The following CEACAM1 variants were observed in gnomAD, a reference collection of about 807,000 sequenced individuals.
CEACAM1 encodes cell adhesion molecule CEACAM1.
In CEACAM1, 31 loss-of-function variants were observed where a neutral mutation model predicts 49.1. The ratio of observed to expected loss-of-function variants is 0.63; its 90% CI spans 0.47 to 0.85. The LOEUF is 0.85. Ranked by LOEUF, CEACAM1 falls within the 40% of genes least tolerant of loss-of-function variation. CEACAM1 has a pLI of 0.00. For synonymous variants in CEACAM1, 244 were observed against 247.8 expected, an observed-to-expected ratio of 0.98 and a Z score of 0.14; for missense variants, 570 against 645.3, an observed-to-expected ratio of 0.88 and a Z score of 1.26.
intron 1 of CEACAM1, 104 bp from the exon 2 acceptor site, chr19:42,527,504 AGTGTGTGT>A (rs3038002): frequency 0.014 from 10,164 of 711,930 alleles, 6 homozygotes; most frequent in South Asian, 0.036. Context: ...TCCACCTTGG[AGTGTGTGT>A]GTGTGTGTGT....
chr19:42,528,446 G>A lies in CEACAM1; in HGVS notation c.-72C>T. 6.9e-7 allele frequency: 1 copy of A among 1,453,660 alleles called. No homozygotes were observed. 90.0% of individuals were successfully genotyped at this position (1,453,660 alleles called of 1,614,324 possible). A position where few individuals can be genotyped will look rare whatever the true frequency, so the allele number is the denominator to read the frequency against. ...CTCCAGGAACGCTTCGAGCACGGCTGCTCTGTCACCTCTGCTGTTTTCCAC... is the reference window on the plus strand; with the variant it reads ...CTCCAGGAACGCTTCGAGCACGGCTACTCTGTCACCTCTGCTGTTTTCCAC... On this transcript the variant is annotated 5_prime_UTR_variant, in exon 1 of 9. Transcript: ENST00000161559.
At chr19:42,524,250 A>G (rs1311505133) in intron 2 of CEACAM1, among the ~76,000 whole-genome samples, 4 of 152,180 alleles carry the variant, frequency 2.6e-5, no homozygotes, top group African/African-American at 9.7e-5. Flanking sequence ...GTGTAGGTGG[A>G]ATGGGCAGCA....
At position 42,512,408 on chromosome 19, in the gene CEACAM1, G is replaced by A. The variant is rs1394827724; in HGVS notation, c.1318C>T (p.Leu440=). ...IAGIVIGVVA[L]VALIAVALAC... ...AGGGCTACTGCTATCAGAGCAACCA[G>A]GGCCACTACTCCAATCACAATGCCA... The change falls in exon 6 of 9, where the codon CTG becomes TTG. Residue 440 remains leucine (L), a synonymous_variant. Coordinates refer to ENST00000161559, the MANE Select transcript of CEACAM1 (RefSeq NM_001712.5). 5 of 1,614,054 alleles carry A rather than the reference G, an allele frequency of 3.1e-6. No individual in the cohort carries two copies. The African/African-American group carries it at 5.3e-5, about 17-fold the overall frequency.
rs763363275 is a variant in CEACAM1, at chr19:42,522,030, G to A, written c.597C>T (p.Thr199=). ...TCCTTGTGACACTGAGTAGAGTGAG[G>A]GTCCTGTTGCCATTGGACAGCTGCA... ...PRLQLSNGNR[T]LTLLSVTRND... The change falls in exon 3 of 9, where the codon ACC becomes ACT. Residue 199 remains threonine (T), a synonymous_variant. Transcript: ENST00000161559. 6.6e-5 allele frequency: 107 copies of A among 1,614,180 alleles called. No individual in the cohort carries two copies. The highest frequency in any genetic ancestry group is 5.3e-4 in the South Asian group (48 of 91,084).
rs1243331603 is a variant in CEACAM1, at chr19:42,508,585, T to C, written c.*524A>G. ...TGGACAAAGGTGTGGCATTTCACTATTGGTTATATATTTGATTTTCTTGTG... is the reference window on the plus strand; with the variant it reads ...TGGACAAAGGTGTGGCATTTCACTACTGGTTATATATTTGATTTTCTTGTG... On this transcript the variant is annotated 3_prime_UTR_variant, in exon 9 of 9. Coordinates refer to ENST00000161559, the MANE Select transcript of CEACAM1 (RefSeq NM_001712.5). 3 of 155,314 alleles carry C rather than the reference T, an allele frequency of 1.9e-5. No homozygotes were observed. The highest frequency in any genetic ancestry group is 6.2e-5 in the Admixed American group (1 of 16,142). The allele number at this position is 155,314 out of a possible 1,614,324, so 9.6% of individuals were successfully genotyped here.
chr19:42,512,459 T>C lies in CEACAM1; in HGVS notation c.1267A>G (p.Asn423Asp). Residue 423 changes from asparagine (N) to aspartate (D), a missense_variant, in exon 6 of 9, where the codon AAT (asparagine) becomes GAT (aspartate). Coordinates refer to ENST00000161559, the MANE Select transcript of CEACAM1 (RefSeq NM_001712.5). ...GCAATGGCCCCAGGTGAGAGGCCATTTTCTTGTGGTAGAGCATTATCTGTC... is the reference window on the plus strand; with the variant it reads ...GCAATGGCCCCAGGTGAGAGGCCATCTTCTTGTGGTAGAGCATTATCTGTC... Reference protein sequence around the residue: ...NVNYNALPQENGLSPGAIAGI... With the variant: ...NVNYNALPQEDGLSPGAIAGI... 6.2e-7 allele frequency: 1 copy of C among 1,614,098 alleles called. No homozygotes were observed. Among genetic ancestry groups the C allele is most frequent in the Non-Finnish European group, 8.5e-7 (1 of 1,179,958 alleles).
chr19:42,518,053 A>T (rs2041641743), intron 5 of CEACAM1, among the ~76,000 whole-genome samples: 1 of 152,246 alleles, frequency 6.6e-6, no homozygotes, highest in African/African-American at 2.4e-5. Flanking sequence ...GAGCTTGAAG[A>T]CATTGTGCTA....
At chr19:42,512,193 A>G (rs981043618) in intron 6 of CEACAM1, among the ~76,000 whole-genome samples, 157 bp downstream of exon 6, 1 of 152,216 alleles carries the variant, frequency 6.6e-6, no homozygotes, top group Non-Finnish European at 1.5e-5. Context: ...CACGAAGACC[A>G]GGGAAGAGGA....
At position 42,522,206 on chromosome 19, in the gene CEACAM1, T is replaced by G; in HGVS notation, c.425-4A>C. 6.2e-7 allele frequency: 1 copy of G among 1,614,262 alleles called. No individual in the cohort carries two copies. The highest frequency in any genetic ancestry group is 8.5e-7 in the Non-Finnish European group (1 of 1,180,034). On this transcript the variant is annotated splice_region_variant and splice_polypyrimidine_tract_variant and intron_variant, in intron 2 of 8. Transcript: ENST00000161559. ...ATGGAGGGCTTGGGCAGCTCCGCTA[T>G]GCAGAAAACAGAGAGAAGATTGCCC...
intron 1 of CEACAM1, among the ~76,000 whole-genome samples, chr19:42,527,973 G>A (rs982250320): frequency 3.9e-5 from 6 of 152,218 alleles, no homozygotes; most frequent in Non-Finnish European, 7.3e-5. Flanking sequence ...GCCAATATCT[G>A]AGGTTGGTGG....
intron 2 of CEACAM1, among the ~76,000 whole-genome samples, chr19:42,523,742 T>G (rs1162777857): frequency 1.3e-5 from 2 of 152,216 alleles, no homozygotes; most frequent in East Asian, 3.9e-4. Flanking sequence ...TTATTAATAC[T>G]CTGGATCTAA....
chr19:42,517,159 C>A, intron 5 of CEACAM1, among the ~76,000 whole-genome samples: 1 of 152,104 alleles, frequency 6.6e-6, no homozygotes, highest in African/African-American at 2.4e-5. Context: ...CTTTATGTAA[C>A]ACCATATATA....
At chr19:42,516,908 A>G (rs1381823463) in intron 5 of CEACAM1, 4 of 419,400 alleles carry the variant, frequency 9.5e-6, no homozygotes, top group Non-Finnish European at 1.9e-5. Flanking sequence ...AAAAAAACCC[A>G]AACAACAACA....
intron 5 of CEACAM1, among the ~76,000 whole-genome samples, chr19:42,515,293 A>G (rs112254120): frequency 2.0e-4 from 30 of 152,264 alleles, no homozygotes; most frequent in African/African-American, 7.2e-4. Context: ...AAACCCGTGC[A>G]ATACTATGGA....
intron 7 of CEACAM1, chr19:42,511,314 G>A (rs2041450457): frequency 1.9e-5 from 11 of 586,258 alleles, no homozygotes; most frequent in Non-Finnish European, 3.3e-5. Flanking sequence ...GTAAGGCTGA[G>A]GAAATGGCTC....
chr19:42,513,001 C>T (rs759780564), intron 5 of CEACAM1, among the ~76,000 whole-genome samples: 10 of 152,216 alleles, frequency 6.6e-5, no homozygotes, highest in Non-Finnish European at 1.3e-4. Flanking sequence ...GATCTCTCTT[C>T]TGCCAATTCC....
intron 5 of CEACAM1, among the ~76,000 whole-genome samples, chr19:42,517,073 C>T (rs2041617277): frequency 6.6e-6 from 1 of 152,126 alleles, no homozygotes; most frequent in Admixed American, 6.6e-5. Context: ...CAAGATCATT[C>T]AGTGGGGAAA....
In CEACAM1 at chr19:42,507,896, CAG is replaced by C. The variant is rs2041370764; in HGVS notation, c.*1211_*1212del. The C allele has an allele frequency of 6.6e-6, 1 of 152,232 alleles. No individual in the cohort carries two copies. Among genetic ancestry groups the C allele is most frequent in the Non-Finnish European group, 1.5e-5 (1 of 68,066 alleles). 9.4% of individuals were successfully genotyped at this position (152,232 alleles called of 1,614,324 possible). A position where few individuals can be genotyped will look rare whatever the true frequency, so the allele number is the denominator to read the frequency against. On this transcript the variant is annotated 3_prime_UTR_variant, in exon 9 of 9. Coordinates refer to ENST00000161559, the MANE Select transcript of CEACAM1 (RefSeq NM_001712.5). ...TCCTGACAAAGTGAATGGGGGCAAA[CAG>C]AAAATGCACAGGTGCAAACATGGAA...
intron 6 of CEACAM1, 114 bp from the exon 7 acceptor site, chr19:42,511,742 G>A (rs2041461865): frequency 1.1e-6 from 1 of 946,728 alleles, no homozygotes; most frequent in South Asian, 1.4e-5. Flanking sequence ...TGTTCATACT[G>A]CCTTTCTTCT....
Sources: allele counts gnomAD v4.1 joint callset (sites outside exome capture counted in the v4.1 genomes callset), GRCh38; gene constraint gnomAD v4.1.1; transcripts MANE v1.5; gene names NCBI Gene and HGNC (gene_info 2026-07-23, HGNC 2026-07-21).